The following CACNA1C variants were observed in gnomAD, a reference collection of about 807,000 sequenced individuals.
The protein encoded by CACNA1C is calcium voltage-gated channel subunit alpha1 C.
CACNA1C carries 30 observed loss-of-function variants against 229.0 expected under a neutral mutation model. The ratio of observed to expected loss-of-function variants is 0.13; its 90% CI spans 0.10 to 0.18. CACNA1C has a LOEUF of 0.18. Ranked by LOEUF, CACNA1C falls within the 10% of genes least tolerant of loss-of-function variation. The pLI is 1.00. For synonymous variants in CACNA1C, 1,114 were observed against 1,132.5 expected (o/e 0.98, Z 0.33); for missense variants, 1,658 against 2,845.0 (o/e 0.58, Z 9.49).
chr12:2,578,161 C>T (rs1283126274), intron 13 of CACNA1C, among the ~76,000 whole-genome samples: 1 of 152,204 alleles, frequency 6.6e-6, no homozygotes, highest in Non-Finnish European at 1.5e-5. Context: ...AGCCACCGCG[C>T]CCGGCCAGAA....
At chr12:2,674,724 C>A in intron 39 of CACNA1C, 82 bp downstream of exon 39, 1 of 1,309,220 alleles carries the variant, frequency 7.6e-7, no homozygotes, top group Non-Finnish European at 1.1e-6. Context: ...GCTGTGGCAC[C>A]CTTAGAATGC....
chr12:2,668,643 A>G (rs1274174031), intron 37 of CACNA1C: 3 of 337,030 alleles, frequency 8.9e-6, no homozygotes, highest in Middle Eastern at 8.6e-4. Context: ...GGTACGTCAC[A>G]TGGACAGACA....
chr12:2,518,438 C>T (rs558252890), intron 9 of CACNA1C, among the ~76,000 whole-genome samples: 1 of 152,216 alleles, frequency 6.6e-6, no homozygotes, highest in African/African-American at 2.4e-5. Flanking sequence ...GAAACCCCGT[C>T]TCTACTAAAA....
At chr12:2,097,299 C>T (rs540318935) in intron 1 of CACNA1C, among the ~76,000 whole-genome samples, 2 of 152,084 alleles carry the variant, frequency 1.3e-5, no homozygotes, top group African/African-American at 4.8e-5. Context: ...GCGCCTGCCA[C>T]CACGCCCAGC....
intron 25 of CACNA1C, 115 bp from the exon 26 acceptor site, chr12:2,606,869 A>T: frequency 8.0e-7 from 1 of 1,253,938 alleles, no homozygotes; most frequent in Non-Finnish European, 1.1e-6. Flanking sequence ...CATGGCTAGA[A>T]CGGTGAAGTT....
chr12:2,153,085 A>G (rs931678533), intron 3 of CACNA1C, among the ~76,000 whole-genome samples: 6 of 152,028 alleles, frequency 3.9e-5, no homozygotes, highest in African/African-American at 1.4e-4. Context: ...TAGGAGATAG[A>G]CTCATTTCGG....
At chr12:2,161,967 G>A (rs1019932146) in intron 3 of CACNA1C, among the ~76,000 whole-genome samples, 7 of 152,200 alleles carry the variant, frequency 4.6e-5, no homozygotes, top group Non-Finnish European at 1.0e-4. Flanking sequence ...TAACTGTTCT[G>A]TTTCTCGTGA....
At chr12:2,417,468 G>A (rs1172786100) in intron 3 of CACNA1C, among the ~76,000 whole-genome samples, 1 of 152,116 alleles carries the variant, frequency 6.6e-6, no homozygotes, top group East Asian at 1.9e-4. Context: ...CCTTGTCTCT[G>A]GGGATAGGGC....
At chr12:2,289,493 C>T (rs895904508) in intron 3 of CACNA1C, among the ~76,000 whole-genome samples, 1 of 152,136 alleles carries the variant, frequency 6.6e-6, no homozygotes, top group African/African-American at 2.4e-5. Context: ...TAAATGTGTG[C>T]TTGCTGCCTG....
chr12:2,376,044 G>A (rs1181490516), intron 3 of CACNA1C, among the ~76,000 whole-genome samples: 1 of 152,238 alleles, frequency 6.6e-6, no homozygotes, highest in Non-Finnish European at 1.5e-5. Context: ...CAGGCAGTTT[G>A]GCTGGTGCCC....
chr12:2,284,293 A>T (rs2092224020), intron 3 of CACNA1C, among the ~76,000 whole-genome samples: 2 of 139,864 alleles, frequency 1.4e-5, no homozygotes, highest in African/African-American at 5.3e-5. Flanking sequence ...AGACCTCTAG[A>T]TTTTTTTTTT....
At chr12:2,217,267 G>A (rs2060225221) in intron 3 of CACNA1C, among the ~76,000 whole-genome samples, 1 of 152,188 alleles carries the variant, frequency 6.6e-6, no homozygotes, top group Non-Finnish European at 1.5e-5. Context: ...GGGAAGTGCG[G>A]AGCTGTTGTT....
chr12:1,983,783 TC>T (rs2036842487), intron 1 of CACNA1C, among the ~76,000 whole-genome samples: 1 of 151,968 alleles, frequency 6.6e-6, no homozygotes, highest in Admixed American at 6.5e-5. Flanking sequence ...CTGTTTTCTG[TC>T]CTCTTGCTCT....
chr12:1,976,913 GGAA>G (rs1166275274), intron 1 of CACNA1C, among the ~76,000 whole-genome samples: 1 of 152,012 alleles, frequency 6.6e-6, no homozygotes. Context: ...AGGAAAAAAG[GGAA>G]GAAGAAAAGT....
Position 2,688,749 on chromosome 12 carries a change from C to A in CACNA1C, c.6087C>A (p.Phe2029Leu). The change falls in exon 46 of 47, where the codon TTC becomes TTA. Residue 2029 changes from phenylalanine (F) to leucine (L), a missense_variant. This residue lies in a region of CACNA1C where 590 missense variants were observed against 700.8 expected (regional missense o/e 0.84). Coordinates refer to ENST00000399655, the MANE Select transcript of CACNA1C (RefSeq NM_000719.7). Reference sequence around the variant, plus strand: ...AGGCTGGGGCCCCAGGGAGGCAGTTCCACGGCAGTGCCAGCAGCCTGGTGG... The same window carrying A: ...AGGCTGGGGCCCCAGGGAGGCAGTTACACGGCAGTGCCAGCAGCCTGGTGG... ...PSQAGAPGRQ[F>L]HGSASSLVEA... The A allele has an allele frequency of 6.3e-7, 1 of 1,577,232 alleles. No individual in the cohort carries two copies. Among genetic ancestry groups the A allele is most frequent in the Non-Finnish European group, 8.6e-7 (1 of 1,161,496 alleles).
chr12:2,277,277 C>G (rs1165353414), intron 3 of CACNA1C, among the ~76,000 whole-genome samples: 1 of 151,652 alleles, frequency 6.6e-6, no homozygotes, highest in Non-Finnish European at 1.5e-5. Flanking sequence ...ATAGTTGTTT[C>G]TAGCAACTCA....
intron 3 of CACNA1C, among the ~76,000 whole-genome samples, chr12:2,394,864 G>A (rs1401220021): frequency 6.6e-6 from 1 of 152,214 alleles, no homozygotes; most frequent in African/African-American, 2.4e-5. Context: ...TTGGCCAGAT[G>A]TACCATAAGC....
chr12:2,372,842 T>C (rs1594487881), intron 3 of CACNA1C, among the ~76,000 whole-genome samples: 1 of 152,212 alleles, frequency 6.6e-6, no homozygotes, highest in African/African-American at 2.4e-5. Context: ...GACATGCCAG[T>C]AGTGCAATGG....
chr12:2,367,328 G>A (rs558837435), intron 3 of CACNA1C, among the ~76,000 whole-genome samples: 8 of 152,288 alleles, frequency 5.3e-5, no homozygotes, highest in Non-Finnish European at 8.8e-5. Context: ...CTGCACAGCC[G>A]GTTCCTAACA....
Sources: gnomAD v4.1 joint callset for allele counts (sites outside exome capture counted in the v4.1 genomes callset) on GRCh38, gnomAD v4.1.1 for gene constraint, gnomAD v4.1.1 regional missense constraint, MANE v1.5 for transcripts, NCBI Gene and HGNC (gene_info 2026-07-23, HGNC 2026-07-21) for gene names.